Variants in PCDH15 observed in about 807,000 individuals in gnomAD.
PCDH15 encodes protocadherin-15.
A neutral mutation model predicts 178.5 loss-of-function variants in PCDH15; 129 were observed. The ratio of observed to expected loss-of-function variants is 0.72; its 90% CI spans 0.63 to 0.84. The LOEUF (loss-of-function observed/expected upper bound fraction) is 0.84, where lower values mean the gene tolerates loss of function less well. PCDH15 is among the 40% of genes least tolerant of loss of function. PCDH15 has a pLI of 0.00. For missense variants in PCDH15, 2,230 were observed against 2,099.9 expected, an observed-to-expected ratio of 1.06 and a Z score of -1.21; for synonymous variants, 800 against 732.0, an observed-to-expected ratio of 1.09 and a Z score of -1.50.
At chr10:55,300,367 C>T (rs16907221) in intron 1 of PCDH15, among the ~76,000 whole-genome samples, 2,427 of 152,182 alleles carry the variant, frequency 0.016, 69 homozygotes, top group African/African-American at 0.055. Context: ...CACGAAGACA[C>T]GTTATGCAAG....
intron 27 of PCDH15, 46 bp from the exon 28 acceptor site, chr10:53,857,309 A>C: frequency 6.9e-7 from 1 of 1,457,784 alleles, no homozygotes; most frequent in Non-Finnish European, 9.6e-7. Context: ...ACTCACTGAA[A>C]TTTCCATAAT....
At chr10:55,334,597 G>T (rs2132314698) in intron 2 of PCDH15, among the ~76,000 whole-genome samples, 1 of 151,858 alleles carries the variant, frequency 6.6e-6, no homozygotes, top group South Asian at 2.1e-4. Flanking sequence ...GTGAGCCATG[G>T]TGCCCGGCTG....
chr10:54,499,048 A>G (rs186023941), intron 3 of PCDH15, among the ~76,000 whole-genome samples: 5 of 152,224 alleles, frequency 3.3e-5, no homozygotes, highest in Non-Finnish European at 4.4e-5. Context: ...ACCTTCCACC[A>G]GGCCCCTCCT....
intron 2 of PCDH15, among the ~76,000 whole-genome samples, chr10:54,553,922 G>A (rs934419298): frequency 5.9e-5 from 9 of 152,154 alleles, no homozygotes; most frequent in Admixed American, 3.3e-4. Context: ...TATGCCTTCT[G>A]TAGGCTGAAC....
chr10:55,034,787 C>A (rs942345729), intron 2 of PCDH15, among the ~76,000 whole-genome samples: 4 of 152,022 alleles, frequency 2.6e-5, no homozygotes, highest in Admixed American at 1.3e-4. Context: ...TTGATAAACA[C>A]CCTTTTTGGT....
intron 25 of PCDH15, among the ~76,000 whole-genome samples, chr10:53,912,135 G>A (rs1186367372): frequency 4.6e-5 from 7 of 152,134 alleles, no homozygotes; most frequent in Non-Finnish European, 8.8e-5. Flanking sequence ...TCCAAGGCTG[G>A]TTCAACATAC....
intron 3 of PCDH15, among the ~76,000 whole-genome samples, chr10:54,517,930 T>C (rs2082401462): frequency 6.6e-6 from 1 of 152,126 alleles, no homozygotes; most frequent in African/African-American, 2.4e-5. Flanking sequence ...CTCGACTACA[T>C]GGAAACTGAA....
At chr10:54,768,268 G>T (rs571464234) in intron 1 of PCDH15, among the ~76,000 whole-genome samples, 627 of 152,138 alleles carry the variant, frequency 4.1e-3, no homozygotes, top group African/African-American at 0.013. Context: ...TAAGCTGCTT[G>T]GGCACACTTA....
In PCDH15 at chr10:54,066,849, C is replaced by T. The variant is rs1471005419; in HGVS notation, c.2128G>A (p.Val710Ile). The T allele has an allele frequency of 6.2e-7, 1 of 1,613,360 alleles. No homozygotes were observed. The highest frequency in any genetic ancestry group is 8.5e-7 in the Non-Finnish European group (1 of 1,179,548). ...TCAAACACTGGAGCATTGTCATTGA[C>T]ATCTGTCACCACTATGTTTACTGTG... is the stretch of plus-strand genomic sequence containing the variant. ...TATVNIVVTD[V>I]NDNAPVFDPY... The change falls in exon 18 of 38, where the codon GTC becomes ATC. Residue 710 changes from valine to isoleucine, a missense_variant. Transcript: ENST00000644397.
intron 2 of PCDH15, among the ~76,000 whole-genome samples, chr10:55,135,479 C>T (rs1838165969): frequency 6.6e-6 from 1 of 151,792 alleles, no homozygotes; most frequent in Admixed American, 6.6e-5. Flanking sequence ...TTTCCTTTCT[C>T]TGCTGTCTCA....
chr10:55,358,992 G>T (rs1845150302), intron 2 of PCDH15, among the ~76,000 whole-genome samples: 1 of 152,144 alleles, frequency 6.6e-6, no homozygotes, highest in Admixed American at 6.6e-5. Context: ...AGGACTTCAA[G>T]ACCAGCCTGA....
intron 3 of PCDH15, among the ~76,000 whole-genome samples, chr10:54,442,433 T>TATATATATATATATATATATATATAC (rs2075868996): frequency 8.6e-6 from 1 of 115,892 alleles, no homozygotes; most frequent in African/African-American, 3.8e-5. Context: ...TATATATATA[T>TATATATATATATATATATATATATAC]ATATATATAT....
intron 3 of PCDH15, among the ~76,000 whole-genome samples, chr10:54,387,980 A>T (rs868560225): frequency 6.6e-6 from 1 of 152,174 alleles, no homozygotes; most frequent in African/African-American, 2.4e-5. Context: ...GGAGGGAGTA[A>T]TGGGGAGTTA....
chr10:54,075,096 G>A (rs938747171), intron 17 of PCDH15, among the ~76,000 whole-genome samples: 2 of 151,944 alleles, frequency 1.3e-5, no homozygotes, highest in African/African-American at 2.4e-5. Context: ...AAAATTCTCG[G>A]GCTGGGCGTG....
intron 2 of PCDH15, among the ~76,000 whole-genome samples, chr10:55,151,542 T>C (rs1051766663): frequency 2.0e-5 from 3 of 152,046 alleles, no homozygotes; most frequent in Non-Finnish European, 2.9e-5. Flanking sequence ...ATGTAGCAAT[T>C]TAACAGACAG....
intron 25 of PCDH15, among the ~76,000 whole-genome samples, chr10:53,914,368 T>G (rs1185674881): frequency 6.6e-6 from 1 of 152,152 alleles, no homozygotes. Flanking sequence ...CCCACCCAAA[T>G]GTCCATCAAT....
chr10:55,158,078 G>GTGTGTGTGTGTATATA (rs1335196401), intron 2 of PCDH15, among the ~76,000 whole-genome samples: 2 of 117,144 alleles, frequency 1.7e-5, no homozygotes, highest in African/African-American at 6.9e-5. Context: ...GTATGTGTGT[G>GTGTGTGTGTGTATATA]TATATATATA....
intron 26 of PCDH15, among the ~76,000 whole-genome samples, chr10:53,874,092 A>G (rs755703794): frequency 2.0e-5 from 3 of 152,186 alleles, no homozygotes; most frequent in Non-Finnish European, 4.4e-5. Context: ...GTAAGAATAT[A>G]AAAACCATAG....
At chr10:54,128,490 C>A (rs1030562683) in intron 15 of PCDH15, among the ~76,000 whole-genome samples, 1 of 152,142 alleles carries the variant, frequency 6.6e-6, no homozygotes, top group Admixed American at 6.5e-5. Flanking sequence ...ATCTAAGCAG[C>A]TATTTGATTA....
Sources: gnomAD v4.1 joint callset for allele counts (sites outside exome capture counted in the v4.1 genomes callset) on GRCh38, gnomAD v4.1.1 for gene constraint, MANE v1.5 for transcripts, NCBI Gene and HGNC (gene_info 2026-07-23, HGNC 2026-07-21) for gene names.